MXRA5: variants seen among roughly 807,000 people sequenced by gnomAD.
MXRA5 encodes matrix remodeling associated 5.
MXRA5 carries 41 observed loss-of-function variants against 112.5 expected under a neutral mutation model. The ratio of observed to expected loss-of-function variants is 0.36; its 90% CI spans 0.28 to 0.47. MXRA5 has a LOEUF of 0.47. Ranked by LOEUF, MXRA5 falls within the 20% of genes least tolerant of loss-of-function variation. The pLI is 0.99. For missense variants in MXRA5, 2,150 were observed against 2,251.0 expected, an observed-to-expected ratio of 0.96 and a Z score of 0.91; for synonymous variants, 862 against 900.8, an observed-to-expected ratio of 0.96 and a Z score of 0.77.
chrX:3,317,580 T>TCCGCCCCGGCTGC lies in MXRA5; in HGVS notation c.6088_6100dup (p.Asp2034GlyfsTer92). 8.3e-7 allele frequency: 1 copy of TCCGCCCCGGCTGC among 1,210,418 alleles called. No individual in the cohort carries two copies. Among genetic ancestry groups the TCCGCCCCGGCTGC allele is most frequent in the Non-Finnish European group, 1.1e-6 (1 of 895,210 alleles). The stretch of plus-strand genomic sequence containing the variant: ...CACGTGCAGGCGGATGGCCAGGCTG[T>TCCGCCCCGGCTGC]CCGCCCCGGCTGCATTGCTGGCCAC... On this transcript the variant is annotated frameshift_variant, in exon 6 of 7. Transcript: ENST00000217939. LOFTEE classifies it high-confidence loss of function.
At chrX:3,334,377 A>G (rs1393620783) in intron 2 of MXRA5, among the ~76,000 whole-genome samples, 1 of 111,403 alleles carries the variant, frequency 9.0e-6, no homozygotes, top group Non-Finnish European at 1.9e-5. Flanking sequence ...CTTCATTAGT[A>G]ATGCTACTGA....
chrX:3,311,172 G>A lies in MXRA5; in HGVS notation c.7031C>T (p.Ala2344Val), dbSNP rs767214322. 5 of 1,209,508 alleles carry A rather than the reference G, an allele frequency of 4.1e-6. No individual in the cohort carries two copies. In the Admixed American group the frequency reaches 8.7e-5, roughly 21 times the overall value. ...EMRVRVKVVTAPATIRNKTYL... is the reference protein window; with the variant it reads ...EMRVRVKVVTVPATIRNKTYL... ...AGTCTTGTTCCGGATGGTGGCGGGC[G>A]CTGTCACCACCTTGACTCTGACTCT... The change falls in exon 7 of 7, where the codon GCG (alanine) becomes GTG (valine). Residue 2344 changes from alanine to valine, a missense_variant. By Grantham distance (64) the Ala-to-Val change is moderately conservative. Coordinates refer to ENST00000217939, the MANE Select transcript of MXRA5 (RefSeq NM_015419.4).
In MXRA5 at chrX:3,317,849, C is replaced by G. The variant is rs145185070; in HGVS notation, c.5832G>C (p.Ser1944=). 1.7e-6 allele frequency: 2 copies of G among 1,211,241 alleles called. No individual in the cohort carries two copies. The highest frequency in any genetic ancestry group is 1.8e-5 in the South Asian group (1 of 56,941). Residue 1944 remains serine (S), a synonymous_variant, in exon 6 of 7, where the codon TCG becomes TCC. Coordinates refer to ENST00000217939, the MANE Select transcript of MXRA5 (RefSeq NM_015419.4). The part of the protein sequence containing the change: ...HGLDRMVVLL[S]VTVQQPQILA... Reference sequence around the variant, plus strand: ...GGATTTGAGGTTGCTGCACGGTGACCGAAAGCAAGACCACCATCCTGTCCA... The same window carrying G: ...GGATTTGAGGTTGCTGCACGGTGACGGAAAGCAAGACCACCATCCTGTCCA...
chrX:3,308,756 G>A lies in MXRA5; in HGVS notation c.*960C>T, dbSNP rs1920962080. ...CAGAGAAGTTTCTGGGCTTTTCGGG[G>A]AAGACTCTAGATTCAATTCTGTAAA... On this transcript the variant is annotated 3_prime_UTR_variant, in exon 7 of 7. Coordinates refer to ENST00000217939, the MANE Select transcript of MXRA5 (RefSeq NM_015419.4). The A allele has an allele frequency of 9.0e-6, 1 of 111,083 alleles. No homozygotes were observed. The highest frequency in any genetic ancestry group is 3.3e-5 in the African/African-American group (1 of 30,525). 9.2% of individuals were successfully genotyped at this position (111,083 alleles called of 1,213,427 possible). A position where few individuals can be genotyped will look rare whatever the true frequency, so the allele number is the denominator to read the frequency against.
intron 6 of MXRA5, 26 bp downstream of exon 6, chrX:3,317,077 A>G (rs1206112145): frequency 5.4e-6 from 6 of 1,112,913 alleles, no homozygotes; most frequent in Non-Finnish European, 7.1e-6. Context: ...CCAGCGATTT[A>G]CAGGAAGCCA....
At chrX:3,333,172 G>A (rs1346890909) in intron 2 of MXRA5, among the ~76,000 whole-genome samples, 1 of 107,341 alleles carries the variant, frequency 9.3e-6, no homozygotes, top group Non-Finnish European at 1.9e-5. Flanking sequence ...GTGTGATGGT[G>A]CATGCCTGTG....
At chrX:3,319,974 A>C (rs201301618) in intron 5 of MXRA5, 34 bp downstream of exon 5, 3 of 249,853 alleles carry the variant, frequency 1.2e-5, no homozygotes, top group Non-Finnish European at 1.7e-5. Flanking sequence ...AAAATTGACC[A>C]AAAAAAAAAA....
In MXRA5 at chrX:3,343,723, G is replaced by A; in HGVS notation, c.111C>T (p.Ser37=). Residue 37 remains serine (S), a synonymous_variant, in exon 2 of 7, where the codon AGC becomes AGT. Coordinates refer to ENST00000217939, the MANE Select transcript of MXRA5 (RefSeq NM_015419.4). ...GGGATCGGAACGTGCAGTGGACCTC[G>A]CTGGGGACGTAGCAGGCACAAGGAT... ...CPHPCACYVP[S]EVHCTFRSLA... is the part of the protein sequence containing the mutation. 8.3e-7 allele frequency: 1 copy of A among 1,211,547 alleles called. No individual in the cohort carries two copies. Among genetic ancestry groups the A allele is most frequent in the African/African-American group, 1.7e-5 (1 of 57,837 alleles).
At chrX:3,343,574 T>TAC in intron 2 of MXRA5, 72 bp downstream of exon 2, 1 of 1,003,378 alleles carries the variant, frequency 1.0e-6, no homozygotes, top group South Asian at 2.2e-5. Context: ...TAAATGCACA[T>TAC]ACACACACGC....
chrX:3,345,513 G>A (rs1569189804), intron 1 of MXRA5, among the ~76,000 whole-genome samples: 2 of 112,797 alleles, frequency 1.8e-5, no homozygotes, highest in African/African-American at 3.2e-5. Context: ...GCGTTCCATA[G>A]GACTCTTCAG....
At position 3,323,326 on chromosome X, in the gene MXRA5, A is replaced by C. The variant is rs775095290; in HGVS notation, c.2359T>G (p.Leu787Val). 1 of 1,211,738 alleles carries C rather than the reference A, an allele frequency of 8.3e-7. No individual in the cohort carries two copies. Among genetic ancestry groups the C allele is most frequent in the Admixed American group, 2.2e-5 (1 of 46,012 alleles). The change falls in exon 5 of 7, where the codon TTA becomes GTA. Residue 787 changes from leucine to valine, a missense_variant. This residue lies in a region of MXRA5 where 1,485 missense variants were observed against 1,471.6 expected (regional missense o/e 1.01). Coordinates refer to ENST00000217939, the MANE Select transcript of MXRA5 (RefSeq NM_015419.4). ...QINPERWADI[L>V]AKVRGKNLPK... ...AGATTTTTCCCACGGACTTTGGCTA[A>C]AATATCAGCCCAGCGCTCCGGATTA... is the stretch of plus-strand genomic sequence containing the variant.
chrX:3,345,717 C>G (rs762446200), intron 1 of MXRA5, among the ~76,000 whole-genome samples: 10 of 113,041 alleles, frequency 8.8e-5, no homozygotes, highest in Admixed American at 4.6e-4. Flanking sequence ...GGCGTGAGGC[C>G]GTCTGCTTTC....
chrX:3,309,890 A>C lies in MXRA5; in HGVS notation c.8313T>G (p.Asp2771Glu). Residue 2771 changes from aspartate (D) to glutamate (E), a missense_variant, in exon 7 of 7, where the codon GAT becomes GAG. By Grantham distance (45) the Asp-to-Glu change is conservative. Transcript: ENST00000217939. ...GAACCCCTGCCTTCAGATGCGACTTATCCGGTAACTCCCACGTGATGTCAG... is the reference window on the plus strand; with the variant it reads ...GAACCCCTGCCTTCAGATGCGACTTCTCCGGTAACTCCCACGTGATGTCAG... ...PKADITWELP[D>E]KSHLKAGVQA... 8.3e-7 allele frequency: 1 copy of C among 1,211,321 alleles called. No individual in the cohort carries two copies. Among genetic ancestry groups the C allele is most frequent in the Non-Finnish European group, 1.1e-6 (1 of 895,452 alleles).
Position 3,311,279 on chromosome X carries a change from T to C in MXRA5, c.6924A>G (p.Thr2308=). 8.3e-7 allele frequency: 1 copy of C among 1,211,037 alleles called. No individual in the cohort carries two copies. The highest frequency in any genetic ancestry group is 1.8e-5 in the South Asian group (1 of 56,921). The change falls in exon 7 of 7, where the codon ACA becomes ACG. Residue 2308 remains threonine, a synonymous_variant. Coordinates refer to ENST00000217939, the MANE Select transcript of MXRA5 (RefSeq NM_015419.4). Reference sequence around the variant, plus strand: ...TCATCCCCACTTCGTTAAAGTAGAGTGTCCCATTGTTGAAGACGACATAGC... The same window carrying C: ...TCATCCCCACTTCGTTAAAGTAGAGCGTCCCATTGTTGAAGACGACATAGC... ...TKRYVVFNNG[T]LYFNEVGMRE... is the part of the protein sequence containing the mutation.
intron 4 of MXRA5, among the ~76,000 whole-genome samples, chrX:3,329,616 A>G (rs1263671841): frequency 9.0e-6 from 1 of 111,449 alleles, no homozygotes; most frequent in African/African-American, 3.3e-5. Flanking sequence ...CACTCCTCTC[A>G]CCAGCCTGCT....
Position 3,311,479 on chromosome X carries a change from G to A in MXRA5, c.6724C>T (p.Pro2242Ser). Residue 2242 changes from proline (P) to serine (S), a missense_variant, in exon 7 of 7, where the codon CCG (proline) becomes TCG (serine). Transcript: ENST00000217939. ...TCCTCCTTGTGTTCAATCTTGGCCGGTTTCATCACCACATCCACTTTGAGC... is the reference window on the plus strand; with the variant it reads ...TCCTCCTTGTGTTCAATCTTGGCCGATTTCATCACCACATCCACTTTGAGC... ...VVLKVDVVMK[P>S]AKIEHKEEND... 8.3e-7 allele frequency: 1 copy of A among 1,211,533 alleles called. No individual in the cohort carries two copies. Among genetic ancestry groups the A allele is most frequent in the East Asian group, 3.0e-5 (1 of 33,805 alleles).
At chrX:3,332,747 T>C (rs757374083) in intron 2 of MXRA5, among the ~76,000 whole-genome samples, 44 of 112,112 alleles carry the variant, frequency 3.9e-4, no homozygotes, top group African/African-American at 1.4e-3. Context: ...CTTGATTACA[T>C]GATATTTTTC....
At chrX:3,325,088 C>T in intron 4 of MXRA5, 113 bp from the exon 5 acceptor site, 7 of 908,515 alleles carry the variant, frequency 7.7e-6, no homozygotes, top group Non-Finnish European at 8.6e-6. Context: ...GCTGTAATCC[C>T]ATAAACAAGG....
At chrX:3,326,924 C>T (rs1000875308) in intron 4 of MXRA5, among the ~76,000 whole-genome samples, 1 of 111,875 alleles carries the variant, frequency 8.9e-6, no homozygotes, top group Non-Finnish European at 1.9e-5. Flanking sequence ...TTCCACACCC[C>T]ATTGCCTCTT....
Sources: allele counts gnomAD v4.1 joint callset (sites outside exome capture counted in the v4.1 genomes callset), GRCh38; gene constraint gnomAD v4.1.1; regional missense constraint gnomAD v4.1.1; transcripts MANE v1.5; gene names NCBI Gene and HGNC (gene_info 2026-07-23, HGNC 2026-07-21).